Variants in MCM3AP observed in about 807,000 individuals in gnomAD.
MCM3AP encodes germinal-center associated nuclear protein.
MCM3AP carries 126 observed loss-of-function variants against 184.1 expected under a neutral mutation model. The observed-to-expected ratio is 0.68, with a 90% CI of 0.59 to 0.79. The LOEUF (loss-of-function observed/expected upper bound fraction) is 0.79. Ranked by LOEUF, MCM3AP falls within the 30% of genes least tolerant of loss-of-function variation. The pLI, the probability that MCM3AP is intolerant of heterozygous loss-of-function variation, is 0.00. For missense variants in MCM3AP, 2,496 were observed against 2,479.2 expected (o/e 1.01, Z -0.14); for synonymous variants, 1,002 against 979.3 (o/e 1.02, Z -0.43).
chr21:46,283,980 T>C lies in MCM3AP; in HGVS notation c.1219+88A>G, dbSNP rs941872284. 5.2e-6 allele frequency: 8 copies of C among 1,545,052 alleles called. No homozygotes were observed. The African/African-American group carries it at 9.6e-5, about 19-fold the overall frequency. On this transcript the variant is annotated intron_variant, in intron 1 of 27. Coordinates refer to ENST00000291688, the MANE Select transcript of MCM3AP (RefSeq NM_003906.5). Reference sequence around the variant, plus strand: ...GAATCCCTAATGTTTATGGGAGATTTATCTGAAAAATCAAGCTAACACCCA... The same window carrying C: ...GAATCCCTAATGTTTATGGGAGATTCATCTGAAAAATCAAGCTAACACCCA...
At chr21:46,262,042 T>C (rs2081047637) in intron 13 of MCM3AP, among the ~76,000 whole-genome samples, 1 of 152,206 alleles carries the variant, frequency 6.6e-6, no homozygotes, top group Non-Finnish European at 1.5e-5. Context: ...AGAAGGGATA[T>C]GCAACCTGTA....
chr21:46,270,217 G>A (rs1398651589), intron 9 of MCM3AP, 184 bp downstream of exon 9: 1 of 504,248 alleles, frequency 2.0e-6, no homozygotes, highest in Non-Finnish European at 3.5e-6. Flanking sequence ...TTTCCGGATG[G>A]TGACCAACAG....
In MCM3AP at chr21:46,261,296, G is replaced by A. The variant is rs1303268809; in HGVS notation, c.3451C>T (p.Arg1151Trp). Residue 1151 changes from arginine to tryptophan, a missense_variant, in exon 14 of 28, where the codon CGG becomes TGG. Physicochemically the swap from Arg to Trp is moderately radical, Grantham distance 101. This residue lies in a region of MCM3AP where 1,323 missense variants were observed against 1,273.4 expected (regional missense o/e 1.04). Transcript: ENST00000291688. ...CACACTTACCTTTCCTCTTCAGCCC[G>A]CTGCCTCTCCTGCTCCCTTCGCTCT... ...ERERREQERQ[R>W]AEEERLKQER... The A allele has an allele frequency of 1.8e-5, 29 of 1,613,868 alleles. No homozygotes were observed. Among genetic ancestry groups the A allele is most frequent in the Admixed American group, 3.3e-5 (2 of 59,986 alleles).
chr21:46,244,671 A>G, intron 23 of MCM3AP, 136 bp downstream of exon 23: 3 of 945,148 alleles, frequency 3.2e-6, no homozygotes, highest in Non-Finnish European at 4.8e-6. Flanking sequence ...AGGCGAGCAC[A>G]GCATGGAGAC....
rs994454687 is a variant in MCM3AP at position 46,246,847 on chromosome 21, C to T, written c.4330G>A (p.Val1444Met). The T allele has an allele frequency of 6.2e-7, 1 of 1,614,218 alleles. No individual in the cohort carries two copies. The highest frequency in any genetic ancestry group is 8.5e-7 in the Non-Finnish European group (1 of 1,180,030). Residue 1444 changes from valine to methionine, a missense_variant, in exon 21 of 28, where the codon GTG (valine) becomes ATG (methionine). Coordinates refer to ENST00000291688, the MANE Select transcript of MCM3AP (RefSeq NM_003906.5). ...GALSDGAIDA[V>M]ETQKDLLGAS... is the part of the protein sequence containing the mutation. ...CCCAGGAGGTCCTTCTGTGTCTCCA[C>T]AGCATCAATGGCACCATCACTGAGG...
intron 19 of MCM3AP, chr21:46,253,217 G>T (rs905211278): frequency 3.9e-5 from 6 of 152,170 alleles, no homozygotes; most frequent in African/African-American, 1.2e-4. Flanking sequence ...ATAAGATCAT[G>T]TCAATTTTTT....
chr21:46,277,906 C>T (rs1423822668), intron 4 of MCM3AP, among the ~76,000 whole-genome samples, 189 bp from the exon 5 acceptor site: 1 of 152,164 alleles, frequency 6.6e-6, no homozygotes, highest in African/African-American at 2.4e-5. Context: ...ACATTACTCA[C>T]TGACTTTAAT....
chr21:46,268,984 G>A (rs1400722375), intron 9 of MCM3AP, among the ~76,000 whole-genome samples: 1 of 152,280 alleles, frequency 6.6e-6, no homozygotes, highest in African/African-American at 2.4e-5. Flanking sequence ...GTTGCGGTGA[G>A]CAGAGATCAT....
chr21:46,257,503 A>G (rs2330359), intron 16 of MCM3AP, among the ~76,000 whole-genome samples: 1 of 148,964 alleles, frequency 6.7e-6, no homozygotes, highest in Non-Finnish European at 1.5e-5. Context: ...AAAAAAAGAT[A>G]CATATATCCC....
chr21:46,237,500 G>C (rs2080566801), intron 26 of MCM3AP, among the ~76,000 whole-genome samples: 1 of 121,698 alleles, frequency 8.2e-6, no homozygotes, highest in Non-Finnish European at 1.8e-5. Context: ...GACCTCCCAA[G>C]CTCAAATGAT....
At chr21:46,280,266 A>T (rs1219189210) in intron 3 of MCM3AP, 129 bp from the exon 4 acceptor site, 2 of 1,089,690 alleles carry the variant, frequency 1.8e-6, no homozygotes, top group African/African-American at 3.2e-5. Context: ...AGCCCAAGGA[A>T]ATAACTGTGA....
At chr21:46,253,627 C>T (rs2080905194) in intron 19 of MCM3AP, 1 of 151,980 alleles carries the variant, frequency 6.6e-6, no homozygotes, top group African/African-American at 2.4e-5. Flanking sequence ...TGTGACAACT[C>T]CCCTTCGCTG....
intron 2 of MCM3AP, among the ~76,000 whole-genome samples, chr21:46,282,632 G>C (rs992744535): frequency 1.3e-5 from 2 of 151,842 alleles, no homozygotes; most frequent in Non-Finnish European, 2.9e-5. Flanking sequence ...GTGAAAGCCC[G>C]TATCTACTAA....
At position 46,269,770 on chromosome 21, in the gene MCM3AP, C is replaced by T. The variant is rs181690533; in HGVS notation, c.2628+631G>A. ...TGAGGTGGCGCTCTGTGCGGTGGGC[C>T]GCGGTCCTGGTCACATTGCACTGAA... On this transcript the variant is annotated intron_variant, in intron 9 of 27. Transcript: ENST00000291688. Among the ~76,000 whole-genome samples the T allele has an allele frequency of 6.7e-4, 102 of 152,290 alleles. No homozygotes were observed. In the East Asian group the frequency reaches 0.017, roughly 25 times the overall value.
chr21:46,246,306 C>G lies in MCM3AP; in HGVS notation c.4647+1G>C. The G allele has an allele frequency of 6.3e-7, 1 of 1,578,336 alleles. No individual in the cohort carries two copies. Among genetic ancestry groups the G allele is most frequent in the Non-Finnish European group, 8.7e-7 (1 of 1,147,298 alleles). On this transcript the variant is annotated splice_donor_variant, in intron 22 of 27. Coordinates refer to ENST00000291688, the MANE Select transcript of MCM3AP (RefSeq NM_003906.5). LOFTEE classifies it high-confidence loss of function. ...GACCATTAAAAATGATGAAACCTTA[C>G]CTTAGTTGAACCTTGTAGATCATTA...
At chr21:46,266,893 A>T (rs2081119174) in intron 10 of MCM3AP, 89 bp downstream of exon 10, 3 of 1,416,140 alleles carry the variant, frequency 2.1e-6, no homozygotes, top group African/African-American at 1.4e-5. Flanking sequence ...TCTTCAAGTC[A>T]GGCAAGCAGC....
At chr21:46,272,876 G>C in intron 7 of MCM3AP, 47 bp from the exon 8 acceptor site, 1 of 1,514,246 alleles carries the variant, frequency 6.6e-7, no homozygotes, top group Non-Finnish European at 8.8e-7. Flanking sequence ...CCCATGCAAA[G>C]AGGCAACCGT....
In MCM3AP at chr21:46,284,767, C is replaced by G; in HGVS notation, c.520G>C (p.Gly174Arg). 1 of 1,613,772 alleles carries G rather than the reference C, an allele frequency of 6.2e-7. No individual in the cohort carries two copies. The highest frequency in any genetic ancestry group is 1.1e-5 in the South Asian group (1 of 91,058). Residue 174 changes from glycine to arginine, a missense_variant, in exon 1 of 28, where the codon GGG (glycine) becomes CGG (arginine). Transcript: ENST00000291688. ...ATTGGGTGGGAAAATGTAAAAAACC[C>G]AGAAGCAATTTGGCTCTGGGTTTTC... The part of the protein sequence containing the change: ...PEKTQSQIAS[G>R]FFTFSHPISS...
At chr21:46,235,625 C>G (rs1166910501) in intron 27 of MCM3AP, among the ~76,000 whole-genome samples, 199 bp from the exon 28 acceptor site, 1 of 152,156 alleles carries the variant, frequency 6.6e-6, no homozygotes, top group East Asian at 1.9e-4. Context: ...TGTATATAGA[C>G]TGTTTGCCTT....
Sources: gnomAD v4.1 joint callset for allele counts (sites outside exome capture counted in the v4.1 genomes callset) on GRCh38, gnomAD v4.1.1 for gene constraint, gnomAD v4.1.1 regional missense constraint, MANE v1.5 for transcripts, NCBI Gene and HGNC (gene_info 2026-07-23, HGNC 2026-07-21) for gene names.